The following ERBB4 variants were observed in gnomAD, a reference collection of about 807,000 sequenced individuals.
ERBB4 encodes receptor tyrosine-protein kinase erbB-4.
In ERBB4, 42 loss-of-function variants were observed where a neutral mutation model predicts 158.0. The observed-to-expected ratio is 0.27, with a 90% confidence interval of 0.21 to 0.34. The LOEUF (loss-of-function observed/expected upper bound fraction) is 0.34, where lower values mean the gene tolerates loss of function less well. Ranked by LOEUF, ERBB4 falls within the 10% of genes least tolerant of loss-of-function variation. ERBB4 has a pLI of 1.00. For missense variants in ERBB4, 1,333 were observed against 1,624.1 expected (o/e 0.82, Z 3.08); for synonymous variants, 583 against 558.7 (o/e 1.04, Z -0.61).
chr2:211,433,307 C>T (rs1424327287), intron 20 of ERBB4, among the ~76,000 whole-genome samples: 3 of 151,374 alleles, frequency 2.0e-5, no homozygotes, highest in Non-Finnish European at 2.9e-5. Flanking sequence ...TGAGGCCGGG[C>T]GCGGTGGCTC....
intron 1 of ERBB4, among the ~76,000 whole-genome samples, chr2:212,157,920 T>C (rs901218220): frequency 6.6e-6 from 1 of 152,078 alleles, no homozygotes; most frequent in African/African-American, 2.4e-5. Context: ...GACACTGTTG[T>C]CAGTGAAACT....
intron 1 of ERBB4, among the ~76,000 whole-genome samples, chr2:212,192,406 CTGAG>C (rs936016868): frequency 1.3e-5 from 2 of 151,638 alleles, no homozygotes; most frequent in Admixed American, 6.6e-5. Flanking sequence ...TGTCTTTCTC[CTGAG>C]TATTATAATC....
At chr2:212,300,783 A>G (rs1015221973) in intron 1 of ERBB4, among the ~76,000 whole-genome samples, 1 of 151,460 alleles carries the variant, frequency 6.6e-6, no homozygotes, top group Admixed American at 6.6e-5. Context: ...TCGAATCTTA[A>G]TGTTTTTGAC....
chr2:212,070,820 T>C (rs2078093381), intron 2 of ERBB4, among the ~76,000 whole-genome samples: 2 of 152,044 alleles, frequency 1.3e-5, no homozygotes, highest in South Asian at 4.1e-4. Context: ...TAAAATTGAA[T>C]TTGAATTTCC....
At chr2:212,212,141 G>A (rs1021653007) in intron 1 of ERBB4, among the ~76,000 whole-genome samples, 4 of 152,072 alleles carry the variant, frequency 2.6e-5, no homozygotes, top group African/African-American at 9.7e-5. Context: ...TCACCATACT[G>A]TCTTCCTCAA....
intron 19 of ERBB4, among the ~76,000 whole-genome samples, chr2:211,617,005 C>T (rs890852656): frequency 2.6e-5 from 4 of 152,040 alleles, no homozygotes; most frequent in African/African-American, 9.7e-5. Flanking sequence ...CTGCCATCTC[C>T]ACTCTTGTTT....
At chr2:211,884,487 T>C (rs1359274774) in intron 3 of ERBB4, among the ~76,000 whole-genome samples, 1 of 152,186 alleles carries the variant, frequency 6.6e-6, no homozygotes, top group African/African-American at 2.4e-5. Context: ...TTTGTTCTTT[T>C]GTTCAAGCTA....
chr2:211,915,597 A>C (rs2079667196), intron 3 of ERBB4, among the ~76,000 whole-genome samples: 1 of 152,018 alleles, frequency 6.6e-6, no homozygotes, highest in South Asian at 2.1e-4. Context: ...AGCTTAAGTA[A>C]TTTGAGAGCT....
chr2:212,065,993 A>G (rs1168693252), intron 2 of ERBB4, among the ~76,000 whole-genome samples: 1 of 151,986 alleles, frequency 6.6e-6, no homozygotes, highest in Non-Finnish European at 1.5e-5. Context: ...TTTTCTCTCA[A>G]TTTGAGTTAA....
intron 20 of ERBB4, among the ~76,000 whole-genome samples, chr2:211,552,186 G>T (rs183643157): frequency 5.1e-4 from 78 of 151,616 alleles, no homozygotes; most frequent in African/African-American, 1.8e-3. Context: ...GGATATTCAA[G>T]GTAATTTGGT....
chr2:211,906,413 T>A (rs1428918842), intron 3 of ERBB4, among the ~76,000 whole-genome samples: 1 of 152,076 alleles, frequency 6.6e-6, no homozygotes, highest in Non-Finnish European at 1.5e-5. Context: ...AGAGGAAGCA[T>A]GTTTAGAAGA....
chr2:211,756,860 C>T (rs1400875759), intron 4 of ERBB4, among the ~76,000 whole-genome samples: 3 of 152,196 alleles, frequency 2.0e-5, no homozygotes, highest in Non-Finnish European at 4.4e-5. Context: ...GGTAACCAAA[C>T]TTTCAGACAA....
chr2:211,387,831 T>G (rs1156296449), intron 26 of ERBB4, 114 bp downstream of exon 26: 1 of 829,676 alleles, frequency 1.2e-6, no homozygotes, highest in African/African-American at 1.7e-5. Context: ...CACCAAATTC[T>G]TAACTCACTG....
At chr2:211,720,308 G>C (rs1320344095) in intron 7 of ERBB4, among the ~76,000 whole-genome samples, 1 of 152,126 alleles carries the variant, frequency 6.6e-6, no homozygotes, top group Non-Finnish European at 1.5e-5. Context: ...ATTCCTGCAG[G>C]GGCTGTCTAA....
Position 211,712,142 on chromosome 2 carries a change from T to C in ERBB4, c.1032A>G (p.Ser344=). 6.2e-7 allele frequency: 1 copy of C among 1,613,256 alleles called. No individual in the cohort carries two copies. The highest frequency in any genetic ancestry group is 1.1e-5 in the South Asian group (1 of 91,068). The change falls in exon 9 of 28, where the codon TCA becomes TCG. Residue 344 remains serine, a synonymous_variant. Transcript: ENST00000342788. ...TGTTACTGGAATCCACAGTCTGAGC[T>C]GACATCAATGATCCTGTGCCAATGC... ...CDGIGTGSLM[S]AQTVDSSNID... is the part of the protein sequence containing the mutation.
chr2:211,479,803 CA>C (rs2065039445), intron 20 of ERBB4, among the ~76,000 whole-genome samples: 1 of 152,020 alleles, frequency 6.6e-6, no homozygotes, highest in Admixed American at 6.6e-5. Context: ...AATATTTGGA[CA>C]AAATATTTAA....
At chr2:212,404,936 T>G (rs138134225) in intron 1 of ERBB4, among the ~76,000 whole-genome samples, 5,243 of 152,134 alleles carry the variant, frequency 0.034, 151 homozygotes, top group East Asian at 0.056. Flanking sequence ...GTTTGCTAAG[T>G]ATAATAGCCT....
At chr2:212,060,420 G>T (rs146808630) in intron 2 of ERBB4, among the ~76,000 whole-genome samples, 17 of 151,120 alleles carry the variant, frequency 1.1e-4, no homozygotes, top group African/African-American at 4.1e-4. Flanking sequence ...CAAGGATCTA[G>T]AACTAGAAAT....
chr2:211,492,221 G>A (rs112729782), intron 20 of ERBB4, among the ~76,000 whole-genome samples: 36 of 152,128 alleles, frequency 2.4e-4, no homozygotes, highest in Non-Finnish European at 4.1e-4. Context: ...GTGCCTCTAA[G>A]CACTTTCAAG....
Sources: allele counts gnomAD v4.1 joint callset (sites outside exome capture counted in the v4.1 genomes callset), GRCh38; gene constraint gnomAD v4.1.1; transcripts MANE v1.5; gene names NCBI Gene and HGNC (gene_info 2026-07-23, HGNC 2026-07-21).